The following METAP1D variants were observed in gnomAD, a reference collection of about 807,000 sequenced individuals.
METAP1D encodes methionyl aminopeptidase type 1D, mitochondrial.
In METAP1D, 31 loss-of-function variants were observed where a neutral mutation model predicts 40.5. The observed-to-expected ratio is 0.77, with a 90% CI of 0.58 to 1.03. The LOEUF (loss-of-function observed/expected upper bound fraction) is 1.03. Ranked by LOEUF, METAP1D falls within the 50% of genes least tolerant of loss-of-function variation. The pLI is 0.00. For synonymous variants in METAP1D, 151 were observed against 146.4 expected (o/e 1.03, Z -0.22); for missense variants, 411 against 420.7 (o/e 0.98, Z 0.20).
intron 1 of METAP1D, among the ~76,000 whole-genome samples, chr2:172,004,544 C>T (rs1159054095): frequency 6.6e-6 from 1 of 151,952 alleles, no homozygotes; most frequent in Non-Finnish European, 1.5e-5. Context: ...AGGCTGGTCT[C>T]GAACTCCTGA....
At chr2:172,012,085 T>G (rs1268628939) in intron 1 of METAP1D, among the ~76,000 whole-genome samples, 1 of 152,242 alleles carries the variant, frequency 6.6e-6, no homozygotes, top group African/African-American at 2.4e-5. Flanking sequence ...AGCATTGTGA[T>G]CATTCTGGAC....
At chr2:172,055,578 T>A (rs1245744454) in intron 1 of METAP1D, among the ~76,000 whole-genome samples, 1 of 152,220 alleles carries the variant, frequency 6.6e-6, no homozygotes, top group Non-Finnish European at 1.5e-5. Context: ...TACCATGACT[T>A]ATGCCCATTT....
In METAP1D at chr2:172,081,241, C is replaced by T. The variant is rs1690707023; in HGVS notation, c.*835C>T. The T allele has an allele frequency of 6.6e-6, 1 of 152,086 alleles. No homozygotes were observed. The highest frequency in any genetic ancestry group is 1.5e-5 in the Non-Finnish European group (1 of 68,098). 9.4% of individuals were successfully genotyped at this position (152,086 alleles called of 1,614,324 possible). A position where few individuals can be genotyped will look rare whatever the true frequency, so the allele number is the denominator to read the frequency against. ...TAGGAATTCGAGCTTGGGCCCCACTCGCCCAGGTGTGAACAGTGGCTGATT... is the reference window on the plus strand; with the variant it reads ...TAGGAATTCGAGCTTGGGCCCCACTTGCCCAGGTGTGAACAGTGGCTGATT... On this transcript the variant is annotated 3_prime_UTR_variant, in exon 10 of 10. Transcript: ENST00000315796.
intron 1 of METAP1D, among the ~76,000 whole-genome samples, chr2:172,036,132 A>G (rs12987951): frequency 6.6e-6 from 1 of 151,578 alleles, no homozygotes; most frequent in South Asian, 2.1e-4. Context: ...CCTGGCTAAC[A>G]CGGTGAAACC....
At chr2:172,008,191 G>T (rs1688633456) in intron 1 of METAP1D, among the ~76,000 whole-genome samples, 1 of 152,142 alleles carries the variant, frequency 6.6e-6, no homozygotes, top group African/African-American at 2.4e-5. Context: ...ATTTAAGTTA[G>T]ACATTTTTTG....
rs13403822 is a variant in METAP1D at position 172,038,214 on chromosome 2, T to C, written c.41-23284T>C. Reference sequence around the variant, plus strand: ...AAAAACCTATAATGTGGCCAAAATATATGCTTACAGCTGTATTGTTTCCTA... The same window carrying C: ...AAAAACCTATAATGTGGCCAAAATACATGCTTACAGCTGTATTGTTTCCTA... On this transcript the variant is annotated intron_variant, in intron 1 of 9. Transcript: ENST00000315796. Among the ~76,000 whole-genome samples, 6,956 of 152,298 alleles carry C rather than the reference T, an allele frequency of 0.046. 755 individuals carry two copies. The East Asian group carries it at 0.48, about 10-fold the overall frequency.
At chr2:172,039,401 A>G (rs538357850) in intron 1 of METAP1D, among the ~76,000 whole-genome samples, 40 of 152,224 alleles carry the variant, frequency 2.6e-4, no homozygotes, top group Non-Finnish European at 5.1e-4. Flanking sequence ...CCTCAGGGTT[A>G]CTCCCAGGAA....
At chr2:172,075,110 G>A (rs993522965) in intron 6 of METAP1D, among the ~76,000 whole-genome samples, 3 of 152,162 alleles carry the variant, frequency 2.0e-5, no homozygotes, top group Non-Finnish European at 2.9e-5. Context: ...TGTATAAACT[G>A]TAACTACAAC....
chr2:172,058,269 ATTTATTGGGTATC>A (rs1219793408), intron 1 of METAP1D, among the ~76,000 whole-genome samples: 2 of 152,152 alleles, frequency 1.3e-5, no homozygotes, highest in Non-Finnish European at 2.9e-5. Context: ...AAGAACTATT[ATTTATTGGGTATC>A]TTCTAAATGC....
chr2:172,062,624 G>A (rs1690165203), intron 2 of METAP1D, among the ~76,000 whole-genome samples: 1 of 152,098 alleles, frequency 6.6e-6, no homozygotes, highest in South Asian at 2.1e-4. Flanking sequence ...GGCTCTTTGG[G>A]GGAGACCTGG....
At chr2:172,053,709 T>C (rs1329830938) in intron 1 of METAP1D, among the ~76,000 whole-genome samples, 1 of 152,212 alleles carries the variant, frequency 6.6e-6, no homozygotes, top group African/African-American at 2.4e-5. Context: ...TTACAGGGTG[T>C]CTTTTAAATC....
rs924976072 is a variant in METAP1D, at chr2:172,081,947, C to G, written c.*1541C>G. 6.6e-6 allele frequency: 1 copy of G among 152,356 alleles called. No individual in the cohort carries two copies. The highest frequency in any genetic ancestry group is 1.5e-5 in the Non-Finnish European group (1 of 68,184). 9.4% of individuals were successfully genotyped at this position (152,356 alleles called of 1,614,324 possible). A position where few individuals can be genotyped will look rare whatever the true frequency, so the allele number is the denominator to read the frequency against. On this transcript the variant is annotated 3_prime_UTR_variant, in exon 10 of 10. Coordinates refer to ENST00000315796, the MANE Select transcript of METAP1D (RefSeq NM_199227.3). ...CTAACACAGGGTTCTCTCGTCGTCC[C>G]CCAACCCCTCCAGCTCGGCTTCTTT...
chr2:172,005,616 C>T (rs1688562769), intron 1 of METAP1D, among the ~76,000 whole-genome samples: 1 of 145,134 alleles, frequency 6.9e-6, no homozygotes, highest in Non-Finnish European at 1.5e-5. Context: ...CGGCTCACTG[C>T]AACCTCCGCC....
chr2:172,041,726 T>TTTATATATATATATATATATA (rs1273069042), intron 1 of METAP1D, among the ~76,000 whole-genome samples: 3 of 37,560 alleles, frequency 8.0e-5, no homozygotes, highest in Non-Finnish European at 6.4e-5. Context: ...TCTAATTATT[T>TTTATATATATATATATATATA]TATATATATA....
In METAP1D at chr2:172,043,108, TATA is replaced by T. The variant is rs1291245156; in HGVS notation, c.41-18389_41-18387del. Reference sequence around the variant, plus strand: ...ATATATTTACATACATATATATATATATATATATATTTTTTGGGATACAGGATC... The same window carrying T: ...ATATATTTACATACATATATATATATTATATATTTTTTGGGATACAGGATC... On this transcript the variant is annotated intron_variant, in intron 1 of 9. Coordinates refer to ENST00000315796, the MANE Select transcript of METAP1D (RefSeq NM_199227.3). 2.5e-4 allele frequency among the ~76,000 whole-genome samples: 8 copies of T among 31,992 alleles called. 1 individual carries two copies. The highest frequency in any genetic ancestry group is 5.4e-4 in the African/African-American group (5 of 9,290). 21.0% of individuals were successfully genotyped at this position (31,992 alleles called of 152,430 possible).
rs758286487 is a variant in METAP1D, at chr2:172,080,133, A to T, written c.856A>T (p.Ile286Phe). The change falls in exon 9 of 10, where the codon ATC becomes TTC. Residue 286 changes from isoleucine to phenylalanine, a missense_variant. Transcript: ENST00000315796. ...EEGMAFTIEP[I>F]ITEGSPEFKV... is the part of the protein sequence containing the mutation. ...AAATATTTTTCCTCTTACAGAGCCA[A>T]TCATCACGGAGGGATCCCCTGAATT... 1 of 1,614,000 alleles carries T rather than the reference A, an allele frequency of 6.2e-7. No homozygotes were observed. The highest frequency in any genetic ancestry group is 2.2e-5 in the East Asian group (1 of 44,892).
At chr2:172,014,211 A>G (rs901815679) in intron 1 of METAP1D, among the ~76,000 whole-genome samples, 2 of 151,928 alleles carry the variant, frequency 1.3e-5, no homozygotes, top group Admixed American at 1.3e-4. Context: ...CCTGGGTGCA[A>G]GCGATTCTCC....
chr2:172,063,899 G>T (rs762592975), intron 3 of METAP1D, 39 bp downstream of exon 3: 1 of 1,524,456 alleles, frequency 6.6e-7, no homozygotes, highest in East Asian at 2.4e-5. Flanking sequence ...TTACATAAGG[G>T]GCAACAAACA....
chr2:172,041,123 G>GC (rs1418932496), intron 1 of METAP1D, among the ~76,000 whole-genome samples: 1 of 151,796 alleles, frequency 6.6e-6, no homozygotes, highest in Non-Finnish European at 1.5e-5. Context: ...GGAGTCTGAG[G>GC]CCCCCCAAAA....
Sources: gnomAD v4.1 joint callset for allele counts (sites outside exome capture counted in the v4.1 genomes callset) on GRCh38, gnomAD v4.1.1 for gene constraint, MANE v1.5 for transcripts, NCBI Gene and HGNC (gene_info 2026-07-23, HGNC 2026-07-21) for gene names.